The following ENTPD1 variants were observed in gnomAD, a reference collection of about 807,000 sequenced individuals.
ENTPD1 encodes ATP diphosphohydrolase.
ENTPD1 carries 33 observed loss-of-function variants against 57.0 expected under a neutral mutation model. The ratio of observed to expected loss-of-function variants is 0.58; its 90% confidence interval spans 0.44 to 0.77. The LOEUF is 0.77. Among genes scored for constraint, ENTPD1 ranks in the 30% least tolerant of loss-of-function variants. The pLI, the probability that ENTPD1 is intolerant of heterozygous loss-of-function variation, is 0.00. For synonymous variants in ENTPD1, 202 were observed against 218.8 expected, an observed-to-expected ratio of 0.92 and a Z score of 0.68; for missense variants, 501 against 603.4, an observed-to-expected ratio of 0.83 and a Z score of 1.78.
At chr10:95,796,529 T>G (rs1446322207) in intron 1 of ENTPD1, among the ~76,000 whole-genome samples, 1 of 152,130 alleles carries the variant, frequency 6.6e-6, no homozygotes, top group Non-Finnish European at 1.5e-5. Flanking sequence ...AGACCCCATT[T>G]AGAGACCAAC....
intron 1 of ENTPD1, among the ~76,000 whole-genome samples, chr10:95,762,668 GT>G (rs1280855334): frequency 6.6e-6 from 1 of 152,134 alleles, no homozygotes; most frequent in East Asian, 1.9e-4. Flanking sequence ...TGTGCAGGAA[GT>G]TTTTTCCATA....
intron 8 of ENTPD1, among the ~76,000 whole-genome samples, chr10:95,863,434 G>A (rs879392884): frequency 9.2e-5 from 14 of 152,238 alleles, no homozygotes; most frequent in Non-Finnish European, 1.6e-4. Context: ...TGACTGAAAG[G>A]AAGGGGTAGG....
chr10:95,770,361 G>C (rs922983080), intron 1 of ENTPD1, among the ~76,000 whole-genome samples: 6 of 151,876 alleles, frequency 4.0e-5, no homozygotes, highest in African/African-American at 1.5e-4. Context: ...TGTTTCAACT[G>C]GGTCTAACTG....
chr10:95,838,483 A>G (rs2098415805), intron 2 of ENTPD1, among the ~76,000 whole-genome samples: 1 of 152,262 alleles, frequency 6.6e-6, no homozygotes, highest in Non-Finnish European at 1.5e-5. Flanking sequence ...ATGGAAAAAG[A>G]TGAACTACTG....
At chr10:95,814,472 C>T (rs1039841571) in intron 1 of ENTPD1, among the ~76,000 whole-genome samples, 1 of 152,136 alleles carries the variant, frequency 6.6e-6, no homozygotes, top group Non-Finnish European at 1.5e-5. Context: ...TGCTGCTAAT[C>T]TGAGAAGAGT....
intron 1 of ENTPD1, among the ~76,000 whole-genome samples, chr10:95,726,501 G>A (rs912135350): frequency 1.3e-5 from 2 of 152,082 alleles, no homozygotes; most frequent in Non-Finnish European, 2.9e-5. Flanking sequence ...ATCTGAGACT[G>A]TCTTAATTTT....
intron 1 of ENTPD1, among the ~76,000 whole-genome samples, chr10:95,737,386 A>C (rs560235453): frequency 1.8e-4 from 27 of 152,164 alleles, no homozygotes; most frequent in African/African-American, 6.5e-4. Flanking sequence ...AAAAAAATTA[A>C]AACTTTTTTT....
At chr10:95,705,277 A>ATGTGTGTGTATG in the ENTPD1 span, among the ~76,000 whole-genome samples, 2 of 150,064 alleles carry the variant, frequency 1.3e-5, no homozygotes, top group Non-Finnish European at 3.0e-5. Context: ...CCAGTAGAAA[A>ATGTGTGTGTATG]TGTGTGTGTG....
At chr10:95,792,071 T>TAA (rs139434419) in intron 1 of ENTPD1, among the ~76,000 whole-genome samples, 12 of 150,546 alleles carry the variant, frequency 8.0e-5, no homozygotes, top group African/African-American at 2.9e-4. Context: ...CTTGCATAGT[T>TAA]AAAAAAAAAC....
At chr10:95,782,813 G>T (rs372272806) in intron 1 of ENTPD1, among the ~76,000 whole-genome samples, 2 of 152,052 alleles carry the variant, frequency 1.3e-5, no homozygotes, top group Non-Finnish European at 2.9e-5. Flanking sequence ...CTAAGGCTGC[G>T]TTTTCAGCTC....
At chr10:95,723,977 C>T (rs564697672) in intron 1 of ENTPD1, among the ~76,000 whole-genome samples, 31 of 151,918 alleles carry the variant, frequency 2.0e-4, no homozygotes, top group African/African-American at 2.9e-4. Context: ...TTGGCTAACA[C>T]GGTGAAACCC....
intron 1 of ENTPD1, among the ~76,000 whole-genome samples, chr10:95,768,689 T>A (rs531165400): frequency 2.6e-5 from 4 of 152,318 alleles, no homozygotes; most frequent in African/African-American, 9.6e-5. Context: ...AAATCTTTTA[T>A]TTTAGCTTGT....
chr10:95,750,074 A>G (rs1359938411), intron 1 of ENTPD1, among the ~76,000 whole-genome samples: 6 of 152,164 alleles, frequency 3.9e-5, no homozygotes, highest in Non-Finnish European at 8.8e-5. Flanking sequence ...TGAATTTGCT[A>G]AAGGATTAGA....
intron 1 of ENTPD1, among the ~76,000 whole-genome samples, chr10:95,805,167 G>A (rs561391374): frequency 6.6e-6 from 1 of 152,262 alleles, no homozygotes; most frequent in South Asian, 2.1e-4. Flanking sequence ...ATGAATCTGG[G>A]TGCTCCTGTA....
At position 95,868,946 on chromosome 10, in the gene ENTPD1, T is replaced by C; in HGVS notation, c.*2563T>C. 1.0e-6 allele frequency: 1 copy of C among 985,366 alleles called. No individual in the cohort carries two copies. The highest frequency in any genetic ancestry group is 1.2e-6 in the Non-Finnish European group (1 of 829,918). 61.0% of individuals were successfully genotyped at this position (985,366 alleles called of 1,614,324 possible). A position where few individuals can be genotyped will look rare whatever the true frequency, so the allele number is the denominator to read the frequency against. On this transcript the variant is annotated 3_prime_UTR_variant, in exon 10 of 10. Coordinates refer to ENST00000371205, the MANE Select transcript of ENTPD1 (RefSeq NM_001776.6). ...ATGGAGACAATCAGCAGACACAACC[T>C]AACCCCAATTATTTTGGCAGGAAGG...
At chr10:95,851,701 TAGTTTG>T (rs2098445552) in intron 7 of ENTPD1, among the ~76,000 whole-genome samples, 1 of 151,790 alleles carries the variant, frequency 6.6e-6, no homozygotes, top group Non-Finnish European at 1.5e-5. Context: ...GTCCCTGCGA[TAGTTTG>T]CTGAGAATGA....
chr10:95,811,233 C>G (rs1427118236), intron 1 of ENTPD1, among the ~76,000 whole-genome samples: 4 of 152,166 alleles, frequency 2.6e-5, no homozygotes, highest in African/African-American at 9.7e-5. Context: ...CCAAAGAGTA[C>G]AGAAATTACA....
At chr10:95,798,145 A>G (rs1589871579) in intron 1 of ENTPD1, among the ~76,000 whole-genome samples, 1 of 152,180 alleles carries the variant, frequency 6.6e-6, no homozygotes, top group African/African-American at 2.4e-5. Context: ...GAGAGTGCTT[A>G]TGTACTAAGA....
intron 1 of ENTPD1, among the ~76,000 whole-genome samples, chr10:95,817,557 C>G (rs1232410182): frequency 6.6e-6 from 1 of 152,208 alleles, no homozygotes; most frequent in African/African-American, 2.4e-5. Flanking sequence ...CCCTCAAGGC[C>G]TTATGAGCAG....
Sources: allele counts gnomAD v4.1 joint callset (sites outside exome capture counted in the v4.1 genomes callset), GRCh38; gene constraint gnomAD v4.1.1; transcripts MANE v1.5; gene names NCBI Gene and HGNC (gene_info 2026-07-23, HGNC 2026-07-21).